The following MPC1 variants were observed in gnomAD, a reference collection of about 807,000 sequenced individuals.
MPC1 encodes HSPC040 protein.
In MPC1, 6 loss-of-function variants were observed where a neutral mutation model predicts 13.9. That is an observed-to-expected ratio of 0.43 (90% CI 0.24 to 0.85). MPC1 has a LOEUF of 0.85. Ranked by LOEUF, MPC1 falls within the 40% of genes least tolerant of loss-of-function variation. The pLI is 0.24. For synonymous variants in MPC1, 47 were observed against 50.5 expected, an observed-to-expected ratio of 0.93 and a Z score of 0.29; for missense variants, 115 against 143.3, an observed-to-expected ratio of 0.80 and a Z score of 1.01.
chr6:166,374,806 A>G (rs1355607141), intron 1 of MPC1, among the ~76,000 whole-genome samples: 3 of 152,144 alleles, frequency 2.0e-5, no homozygotes, highest in Non-Finnish European at 2.9e-5. Context: ...TGATCTGTCT[A>G]TTCCTTTGCC....
chr6:166,367,488 T>C (rs994841835), intron 2 of MPC1, among the ~76,000 whole-genome samples: 4 of 152,140 alleles, frequency 2.6e-5, no homozygotes, highest in Non-Finnish European at 5.9e-5. Flanking sequence ...GAAATTAAGA[T>C]TGGAAAGTAC....
At chr6:166,379,469 G>C (rs1779687378) in intron 1 of MPC1, among the ~76,000 whole-genome samples, 1 of 150,120 alleles carries the variant, frequency 6.7e-6, no homozygotes, top group African/African-American at 2.5e-5. Flanking sequence ...ACTCCAGCCT[G>C]GGTGACAGAG....
intron 1 of MPC1, among the ~76,000 whole-genome samples, chr6:166,376,372 C>G (rs1025460566): frequency 6.6e-6 from 1 of 152,084 alleles, no homozygotes; most frequent in African/African-American, 2.4e-5. Context: ...GGTGTAAATC[C>G]TAGAGTCCAA....
Position 166,376,120 on chromosome 6 carries a change from TAGA to T in MPC1, c.72-5902_72-5900del, listed in dbSNP as rs746632633. On this transcript the variant is annotated intron_variant, in intron 1 of 4. Transcript: ENST00000360961. ...AGGCTCTCCAGAGAGACAGAACTAATAGAAGATGTATAGCTATAGATACATATA... is the reference window on the plus strand; with the variant it reads ...AGGCTCTCCAGAGAGACAGAACTAATAGATGTATAGCTATAGATACATATA... Among the ~76,000 whole-genome samples the T allele has an allele frequency of 2.4e-3, 358 of 152,254 alleles. 3 individuals are homozygous for T. The highest frequency in any genetic ancestry group is 0.01 in the Middle Eastern group (3 of 294).
rs888541749 is a variant in MPC1 at position 166,371,277 on chromosome 6, T to A, written c.72-1056A>T. On this transcript the variant is annotated intron_variant, in intron 1 of 4. Coordinates refer to ENST00000360961, the MANE Select transcript of MPC1 (RefSeq NM_016098.4). Reference sequence around the variant, plus strand: ...GGACTACTTAAAGTAGGGCCTGGCATTTAAACTGGAATTTAAAAAATATTT... The same window carrying A: ...GGACTACTTAAAGTAGGGCCTGGCAATTAAACTGGAATTTAAAAAATATTT... Among the ~76,000 whole-genome samples, 3 of 152,246 alleles carry A rather than the reference T, an allele frequency of 2.0e-5. No homozygotes were observed. The East Asian group carries it at 5.8e-4, about 29-fold the overall frequency.
At chr6:166,382,527 ACCCACTGTCACCCCCGCCCTGAGGGGCG>A (rs1365079014) in intron 1 of MPC1, among the ~76,000 whole-genome samples, 15 of 138,978 alleles carry the variant, frequency 1.1e-4, no homozygotes, top group Admixed American at 2.8e-4. Context: ...GGGAGAGGAC[ACCCACTGTCACCCCCGCCCTGAGGGGCG>A]CCCACTGTCA....
At chr6:166,367,736 A>G (rs1365469839) in intron 2 of MPC1, among the ~76,000 whole-genome samples, 4 of 152,204 alleles carry the variant, frequency 2.6e-5, no homozygotes, top group Non-Finnish European at 5.9e-5. Context: ...ATCTGAAAGG[A>G]ACCACATCTT....
chr6:166,370,430 T>C, intron 1 of MPC1: 1 of 529,780 alleles, frequency 1.9e-6, no homozygotes, highest in Non-Finnish European at 3.3e-6. Context: ...TTTGACTTCA[T>C]GAAATTAGAT....
intron 1 of MPC1, among the ~76,000 whole-genome samples, chr6:166,376,547 C>T (rs967199858): frequency 2.0e-5 from 3 of 152,202 alleles, no homozygotes; most frequent in Non-Finnish European, 2.9e-5. Context: ...CTTCTTTACT[C>T]AGTCTACTGA....
chr6:166,378,480 AGAG>A (rs1779651285), intron 1 of MPC1, among the ~76,000 whole-genome samples: 1 of 152,070 alleles, frequency 6.6e-6, no homozygotes, highest in South Asian at 2.1e-4. Context: ...AAACTTGAGA[AGAG>A]GAATAAGTCG....
rs558045093 is a variant in MPC1 at position 166,375,027 on chromosome 6, T to C, written c.72-4806A>G. 1.0e-3 allele frequency among the ~76,000 whole-genome samples: 157 copies of C among 152,352 alleles called. 1 individual carries two copies. The highest frequency in any genetic ancestry group is 3.6e-3 in the African/African-American group (149 of 41,588). On this transcript the variant is annotated intron_variant, in intron 1 of 4. Coordinates refer to ENST00000360961, the MANE Select transcript of MPC1 (RefSeq NM_016098.4). ...TCACCTATTCACTTAAAAAAAGTAC[T>C]TTATGGCTTCTCTTTGGCATATTCA... is the stretch of plus-strand genomic sequence containing the variant.
chr6:166,382,644 G>C (rs752740929), intron 1 of MPC1, among the ~76,000 whole-genome samples, 162 bp downstream of exon 1: 1 of 152,188 alleles, frequency 6.6e-6, no homozygotes, highest in Non-Finnish European at 1.5e-5. Flanking sequence ...GGAGGGATCC[G>C]GGTGGGGCCC....
chr6:166,365,922 C>T lies in MPC1; in HGVS notation c.305+52G>A. On this transcript the variant is annotated intron_variant, in intron 4 of 4. Coordinates refer to ENST00000360961, the MANE Select transcript of MPC1 (RefSeq NM_016098.4). The surrounding 1 kb of genome is among the most constrained non-coding windows in gnomAD (Gnocchi z 4.2). ...CAGAAAAGATTTTAGTTTCACTCTC[C>T]CCAATTCCTCAAATTCCTGAAAAGA... The T allele has an allele frequency of 1.3e-6, 2 of 1,598,346 alleles. No individual in the cohort carries two copies. The highest frequency in any genetic ancestry group is 1.7e-6 in the Non-Finnish European group (2 of 1,169,324).
intron 1 of MPC1, 148 bp downstream of exon 1, chr6:166,382,658 T>A: frequency 1.3e-6 from 1 of 784,542 alleles, no homozygotes; most frequent in Non-Finnish European, 1.9e-6. Flanking sequence ...GGGGCCCCCC[T>A]GACAAGCGCA....
In MPC1 at chr6:166,365,410, T is replaced by C; in HGVS notation, c.*19A>G. The stretch of plus-strand genomic sequence containing the variant: ...TGGCAATGCTGTCCCTTCAAGACCT[T>C]GTTCTTCCTTTTCCATTGTTATGCA... On this transcript the variant is annotated 3_prime_UTR_variant, in exon 5 of 5. Transcript: ENST00000360961. This position sits in a 1 kb window ranked among gnomAD's most constrained non-coding sequence, Gnocchi z 4.2. 34 of 1,565,458 alleles carry C rather than the reference T, an allele frequency of 2.2e-5. No homozygotes were observed. The highest frequency in any genetic ancestry group is 2.9e-5 in the Non-Finnish European group (33 of 1,153,960).
chr6:166,381,248 A>T (rs1569460), intron 1 of MPC1, among the ~76,000 whole-genome samples: 2 of 152,074 alleles, frequency 1.3e-5, no homozygotes, highest in Non-Finnish European at 2.9e-5. Context: ...CTTAATTAAT[A>T]GTAGTTCTAT....
At chr6:166,379,680 C>A (rs6928721) in intron 1 of MPC1, among the ~76,000 whole-genome samples, 3 of 152,128 alleles carry the variant, frequency 2.0e-5, no homozygotes, top group African/African-American at 7.2e-5. Context: ...TAGACCCCTT[C>A]AGTAGGCTAC....
intron 1 of MPC1, among the ~76,000 whole-genome samples, chr6:166,373,023 A>G (rs1335437604): frequency 6.6e-6 from 1 of 152,202 alleles, no homozygotes; most frequent in Non-Finnish European, 1.5e-5. Context: ...TTAGGTTCAC[A>G]GTAAAATTGA....
At chr6:166,375,159 G>A (rs1779523274) in intron 1 of MPC1, among the ~76,000 whole-genome samples, 1 of 152,164 alleles carries the variant, frequency 6.6e-6, no homozygotes, top group Non-Finnish European at 1.5e-5. Flanking sequence ...GTGATTAGGT[G>A]GGATGACTAA....
Sources: gnomAD v4.1 joint callset for allele counts (sites outside exome capture counted in the v4.1 genomes callset) on GRCh38, gnomAD v4.1.1 for gene constraint, Gnocchi (gnomAD v3.1) non-coding constraint, MANE v1.5 for transcripts, NCBI Gene and HGNC (gene_info 2026-07-23, HGNC 2026-07-21) for gene names.